Variants in FGF12 observed in about 807,000 individuals in gnomAD.
The protein encoded by FGF12 is fibroblast growth factor 12.
In FGF12, 14 loss-of-function variants were observed where a neutral mutation model predicts 23.6. The observed-to-expected ratio is 0.59, with a 90% CI of 0.39 to 0.93. The LOEUF is 0.93. FGF12 is among the 40% of genes least tolerant of loss of function. FGF12 has a pLI of 0.00. For missense variants in FGF12, 175 were observed against 217.8 expected, an observed-to-expected ratio of 0.80 and a Z score of 1.24; for synonymous variants, 62 against 77.3, an observed-to-expected ratio of 0.80 and a Z score of 1.04.
chr3:192,337,950 C>T (rs1297425290), intron 3 of FGF12, among the ~76,000 whole-genome samples: 3 of 152,224 alleles, frequency 2.0e-5, no homozygotes, highest in East Asian at 3.9e-4. Context: ...CTGATACATT[C>T]ATTAATTGTA....
At chr3:192,515,311 G>A (rs376920662) in intron 2 of FGF12, 1 of 152,470 alleles carries the variant, frequency 6.6e-6, no homozygotes, top group Non-Finnish European at 1.5e-5. Context: ...CACCCGCAGG[G>A]AGGGCTGGAC....
At chr3:192,456,746 T>A (rs1722694058) in intron 2 of FGF12, among the ~76,000 whole-genome samples, 2 of 152,146 alleles carry the variant, frequency 1.3e-5, no homozygotes, top group Admixed American at 1.3e-4. Flanking sequence ...GCTATATAGA[T>A]GTTTAGTAAA....
At chr3:192,558,639 A>G (rs1479951238) in intron 2 of FGF12, among the ~76,000 whole-genome samples, 2 of 151,920 alleles carry the variant, frequency 1.3e-5, no homozygotes, top group African/African-American at 4.8e-5. Flanking sequence ...AACACTGTAT[A>G]GCCAAAATGA....
rs116512156 is a variant in FGF12 at position 192,629,126 on chromosome 3, G to T, written c.13+98055C>A. 7.1e-3 allele frequency among the ~76,000 whole-genome samples: 1,085 copies of T among 152,316 alleles called. 12 individuals are homozygous for T. Among genetic ancestry groups the T allele is most frequent in the African/African-American group, 0.025 (1,024 of 41,560 alleles). ...GACTATGAGGTTTAGAATCTAGGAAGAATCTGTAAATTATTTATCTTCTGA... is the reference window on the plus strand; with the variant it reads ...GACTATGAGGTTTAGAATCTAGGAATAATCTGTAAATTATTTATCTTCTGA... On this transcript the variant is annotated intron_variant, in intron 2 of 5. Coordinates refer to ENST00000445105, the MANE Select transcript of FGF12 (RefSeq NM_004113.6).
At chr3:192,646,509 C>T (rs1716011256) in intron 2 of FGF12, among the ~76,000 whole-genome samples, 1 of 152,022 alleles carries the variant, frequency 6.6e-6, no homozygotes, top group Non-Finnish European at 1.5e-5. Flanking sequence ...GTGAAATAGC[C>T]ATATAAGAGA....
Position 192,727,509 on chromosome 3 carries a change from G to A in FGF12, c.-156C>T, listed in dbSNP as rs1024490988. 55 of 557,418 alleles carry A rather than the reference G, an allele frequency of 9.9e-5. 1 individual carries two copies. The highest frequency in any genetic ancestry group is 9.7e-5 in the Admixed American group (3 of 30,998). 34.5% of individuals were successfully genotyped at this position (557,418 alleles called of 1,614,324 possible). A position where few individuals can be genotyped will look rare whatever the true frequency, so the allele number is the denominator to read the frequency against. On this transcript the variant is annotated 5_prime_UTR_variant, in exon 1 of 6. Transcript: ENST00000445105. ...CTGGGTCTGGAAGCTGCAGGCAGGA[G>A]CTGTCCTCCGAGCGTGGTGCTGCAG...
intron 4 of FGF12, among the ~76,000 whole-genome samples, chr3:192,277,208 CT>C (rs749713649): frequency 6.6e-6 from 1 of 152,172 alleles, no homozygotes; most frequent in East Asian, 1.9e-4. Context: ...TGATTCACTG[CT>C]GTCCCTATCA....
chr3:192,540,299 C>T (rs1725334055), intron 2 of FGF12, among the ~76,000 whole-genome samples: 1 of 151,982 alleles, frequency 6.6e-6, no homozygotes, highest in Non-Finnish European at 1.5e-5. Context: ...TCTCTTAGTA[C>T]CGCTTTAGCC....
intron 2 of FGF12, among the ~76,000 whole-genome samples, chr3:192,686,921 T>C (rs1188154779): frequency 9.3e-5 from 13 of 140,118 alleles, no homozygotes; most frequent in Admixed American, 5.2e-4. Context: ...CTCCGGCTTC[T>C]GGGTTCATGC....
At chr3:192,604,003 C>A (rs1009954190) in intron 2 of FGF12, among the ~76,000 whole-genome samples, 4 of 152,086 alleles carry the variant, frequency 2.6e-5, no homozygotes, top group East Asian at 1.9e-4. Flanking sequence ...CGTTTATAGA[C>A]CTCCCCCCAG....
intron 2 of FGF12, among the ~76,000 whole-genome samples, chr3:192,603,588 G>C (rs1384875061): frequency 1.3e-5 from 2 of 152,090 alleles, no homozygotes; most frequent in East Asian, 3.9e-4. Context: ...GGGGGTGCTG[G>C]GGGTGACATC....
At chr3:192,388,242 C>T (rs114923441) in intron 2 of FGF12, among the ~76,000 whole-genome samples, 2,614 of 151,972 alleles carry the variant, frequency 0.017, 64 homozygotes, top group African/African-American at 0.06. Context: ...CCAGCCTGGG[C>T]AACAAAGCAA....
At chr3:192,624,551 A>C (rs1715094844) in intron 2 of FGF12, among the ~76,000 whole-genome samples, 1 of 152,140 alleles carries the variant, frequency 6.6e-6, no homozygotes, top group Non-Finnish European at 1.5e-5. Context: ...TAGAGGTAAT[A>C]AACTGACTTC....
At chr3:192,253,690 T>C (rs1383045397) in intron 4 of FGF12, among the ~76,000 whole-genome samples, 1 of 152,048 alleles carries the variant, frequency 6.6e-6, no homozygotes, top group Admixed American at 6.6e-5. Context: ...CCCTCTCATA[T>C]CAATCCAGAG....
intron 2 of FGF12, among the ~76,000 whole-genome samples, chr3:192,672,258 C>T (rs1645227585): frequency 6.6e-6 from 1 of 151,034 alleles, no homozygotes; most frequent in Admixed American, 6.6e-5. Flanking sequence ...AGACCAAATG[C>T]TTTGAGGGCA....
chr3:192,555,637 A>G (rs1428020067), intron 2 of FGF12, among the ~76,000 whole-genome samples: 1 of 150,544 alleles, frequency 6.6e-6, no homozygotes, highest in African/African-American at 2.4e-5. Flanking sequence ...TACCAAAAAA[A>G]AAAAAAAAAA....
intron 4 of FGF12, among the ~76,000 whole-genome samples, chr3:192,217,182 G>C (rs911242473): frequency 1.3e-5 from 2 of 152,172 alleles, no homozygotes; most frequent in African/African-American, 4.8e-5. Context: ...ATCCCTAAAA[G>C]AGGGATAATG....
At chr3:192,171,074 T>A (rs1715533245) in intron 4 of FGF12, among the ~76,000 whole-genome samples, 1 of 152,184 alleles carries the variant, frequency 6.6e-6, no homozygotes, top group Admixed American at 6.5e-5. Context: ...CACAAGGTGC[T>A]TTTGAAGAGA....
At chr3:192,373,825 T>G (rs917322505) in intron 2 of FGF12, among the ~76,000 whole-genome samples, 1 of 152,158 alleles carries the variant, frequency 6.6e-6, no homozygotes, top group Non-Finnish European at 1.5e-5. Flanking sequence ...GACAATACTT[T>G]CAAGGGTGGC....
Sources: allele counts gnomAD v4.1 joint callset (sites outside exome capture counted in the v4.1 genomes callset), GRCh38; gene constraint gnomAD v4.1.1; transcripts MANE v1.5; gene names NCBI Gene and HGNC (gene_info 2026-07-23, HGNC 2026-07-21).